The following LRP5 variants were observed in gnomAD, a reference collection of about 807,000 sequenced individuals.
LRP5 encodes LDL receptor related protein 5.
In LRP5, 62 loss-of-function variants were observed where a neutral mutation model predicts 154.1. That is an observed-to-expected ratio of 0.40 (90% confidence interval 0.33 to 0.50). The LOEUF is 0.50. LRP5 is among the 20% of genes least tolerant of loss of function. The pLI, the probability that LRP5 is intolerant of heterozygous loss-of-function variation, is 0.55. For synonymous variants in LRP5, 966 were observed against 1,011.5 expected, an observed-to-expected ratio of 0.96 and a Z score of 0.85; for missense variants, 1,915 against 2,336.7, an observed-to-expected ratio of 0.82 and a Z score of 3.72.
At chr11:68,335,337 G>A (rs1194139) in intron 1 of LRP5, among the ~76,000 whole-genome samples, 11 of 151,966 alleles carry the variant, frequency 7.2e-5, no homozygotes, top group Non-Finnish European at 1.2e-4. Context: ...GCCTCCCAAA[G>A]TGTTGGGATT....
chr11:68,318,059 ATT>A (rs575016540), intron 1 of LRP5, among the ~76,000 whole-genome samples: 1 of 144,914 alleles, frequency 6.9e-6, no homozygotes, highest in Non-Finnish European at 1.5e-5. Flanking sequence ...TTGAGATTTA[ATT>A]TTTTTTTTTT....
chr11:68,355,736 G>A (rs1220527864), intron 2 of LRP5, among the ~76,000 whole-genome samples: 2 of 152,176 alleles, frequency 1.3e-5, no homozygotes, highest in African/African-American at 4.8e-5. Context: ...CTCATGGATG[G>A]GTGATGCTTG....
At chr11:68,391,253 G>A (rs1482542086) in intron 7 of LRP5, among the ~76,000 whole-genome samples, 1 of 152,222 alleles carries the variant, frequency 6.6e-6, no homozygotes, top group Non-Finnish European at 1.5e-5. Context: ...ACAGGCGTGA[G>A]CCACCGCGCC....
intron 1 of LRP5, 36 bp downstream of exon 1, chr11:68,312,841 G>T (rs1591160447): frequency 9.9e-7 from 1 of 1,005,860 alleles, no homozygotes; most frequent in Non-Finnish European, 1.2e-6. Flanking sequence ...GCCGCGGGTT[G>T]CTCGGACAAT....
In LRP5 at chr11:68,433,760, G is replaced by A. The variant is rs764890075; in HGVS notation, c.3922G>A (p.Gly1308Ser). The change falls in exon 18 of 23, where the codon GGT becomes AGT. Residue 1308 changes from glycine (G) to serine (S), a missense_variant. Gly to Ser is a moderately conservative substitution (Grantham distance 56). Transcript: ENST00000294304. ...CGCCGCCCAGTTCCCCTGCGCGCGG[G>A]GTCAGTGTGTGGACCTGCGCCTGCG... ...CSAAQFPCAR[G>S]QCVDLRLRCD... The A allele has an allele frequency of 5.6e-6, 9 of 1,612,570 alleles. No homozygotes were observed. The East Asian group carries it at 1.6e-4, about 28-fold the overall frequency.
Position 68,362,544 on chromosome 11 carries a change from AGCTG to A in LRP5, c.687-1201_687-1198del, listed in dbSNP as rs1175092919. ...ACCAAAAAGATACCCCCCAAAAATT[AGCTG>A]GGTGTGGTGGTGCACGCCTGTGGTC... is the stretch of plus-strand genomic sequence containing the variant. On this transcript the variant is annotated intron_variant, in intron 3 of 22. Transcript: ENST00000294304. Among the ~76,000 whole-genome samples, 11 of 152,136 alleles carry A rather than the reference AGCTG, an allele frequency of 7.2e-5. No homozygotes were observed. In the East Asian group the frequency reaches 2.1e-3, roughly 29 times the overall value.
At position 68,425,159 on chromosome 11, in the gene LRP5, G is replaced by A; in HGVS notation, c.3294G>A (p.Leu1098=). 2 of 1,613,764 alleles carry A rather than the reference G, an allele frequency of 1.2e-6. No individual in the cohort carries two copies. The highest frequency in any genetic ancestry group is 1.7e-6 in the Non-Finnish European group (2 of 1,179,982). ...CAGCCAAGATCGAACGCGCAGCCCTGGACGGCACCGAGCGCGAGGTCCTCT... is the reference window on the plus strand; with the variant it reads ...CAGCCAAGATCGAACGCGCAGCCCTAGACGGCACCGAGCGCGAGGTCCTCT... ...DRAAKIERAA[L]DGTEREVLFT... The change falls in exon 15 of 23, where the codon CTG becomes CTA. Residue 1098 remains leucine, a synonymous_variant. Coordinates refer to ENST00000294304, the MANE Select transcript of LRP5 (RefSeq NM_002335.4).
In LRP5 at chr11:68,347,167, G is replaced by A. The variant is rs370272844; in HGVS notation, c.92-680G>A. ...GTCTGACCTTGTTCTGCATGGCACT[G>A]GCACAGGGAGCTGTGGAAGGTGTCT... On this transcript the variant is annotated intron_variant, in intron 1 of 22. Coordinates refer to ENST00000294304, the MANE Select transcript of LRP5 (RefSeq NM_002335.4). 6.6e-5 allele frequency among the ~76,000 whole-genome samples: 10 copies of A among 152,338 alleles called. No homozygotes were observed. In the South Asian group the frequency reaches 2.1e-3, roughly 32 times the overall value.
chr11:68,438,496 G>T lies in LRP5; in HGVS notation c.4162G>T (p.Gly1388Trp). 1 of 1,614,236 alleles carries T rather than the reference G, an allele frequency of 6.2e-7. No individual in the cohort carries two copies. The highest frequency in any genetic ancestry group is 8.5e-7 in the Non-Finnish European group (1 of 1,180,044). ...DDSPAHSSAI[G>W]PVIGIILSLF... is the part of the protein sequence containing the mutation. ...CAGCCCGGCCCACAGCAGTGCCATC[G>T]GGCCCGTCATTGGCATCATCCTCTC... is the stretch of plus-strand genomic sequence containing the variant. The change falls in exon 20 of 23, where the codon GGG (glycine) becomes TGG (tryptophan). Residue 1388 changes from glycine (G) to tryptophan (W), a missense_variant. Physicochemically the swap from Gly to Trp is radical, Grantham distance 184. Coordinates refer to ENST00000294304, the MANE Select transcript of LRP5 (RefSeq NM_002335.4).
At chr11:68,351,199 C>T (rs1217528766) in intron 2 of LRP5, among the ~76,000 whole-genome samples, 1 of 152,072 alleles carries the variant, frequency 6.6e-6, no homozygotes, top group East Asian at 1.9e-4. Flanking sequence ...CTGAGAAGTG[C>T]CCCCGGCCTC....
rs576251206 is a variant in LRP5 at position 68,369,287 on chromosome 11, T to C, written c.1015+3585T>C. ...GAGAGCTGGCTTGGGGCCTGGCCAC[T>C]GGAGTTAGAGGGAGCAGGGCCTGGT... is the stretch of plus-strand genomic sequence containing the variant. On this transcript the variant is annotated intron_variant, in intron 5 of 22. Transcript: ENST00000294304. Among the ~76,000 whole-genome samples the C allele has an allele frequency of 2.6e-5, 4 of 152,224 alleles. No individual in the cohort carries two copies. In the South Asian group the frequency reaches 8.3e-4, roughly 32 times the overall value.
In LRP5 at chr11:68,423,393, ACCAGTGCCCGGGGGTCTCCG is replaced by A; in HGVS notation, c.3028-87_3028-68del. The A allele has an allele frequency of 5.1e-6, 6 of 1,167,928 alleles. No homozygotes were observed. Among genetic ancestry groups the A allele is most frequent in the Non-Finnish European group, 6.4e-6 (5 of 776,672 alleles). 72.3% of individuals were successfully genotyped at this position (1,167,928 alleles called of 1,614,324 possible). On this transcript the variant is annotated intron_variant, in intron 13 of 22. Coordinates refer to ENST00000294304, the MANE Select transcript of LRP5 (RefSeq NM_002335.4). This position sits in a 1 kb window ranked among gnomAD's most constrained non-coding sequence, Gnocchi z 4.7. The stretch of plus-strand genomic sequence containing the variant: ...CTCCAGCCAGTGCCCGGGGGTCTCC[ACCAGTGCCCGGGGGTCTCCG>A]CCAGTGCCAGGGGTCTCCGCCAGTG...
rs1239138058 is a variant in LRP5 at position 68,438,470 on chromosome 11, A to G, written c.4136A>G (p.Asp1379Gly). 1 of 1,614,188 alleles carries G rather than the reference A, an allele frequency of 6.2e-7. No individual in the cohort carries two copies. Residue 1379 changes from aspartate (D) to glycine (G), a missense_variant, in exon 20 of 23, where the codon GAC becomes GGC. Physicochemically the swap from Asp to Gly is moderately conservative, Grantham distance 94. This residue lies in a region of LRP5 where 1,094 missense variants were observed against 1,210.1 expected (regional missense o/e 0.90). Coordinates refer to ENST00000294304, the MANE Select transcript of LRP5 (RefSeq NM_002335.4). The part of the protein sequence containing the change: ...MCEITKPPSD[D>G]SPAHSSAIGP... The stretch of plus-strand genomic sequence containing the variant: ...GAAATCACCAAGCCGCCCTCAGACG[A>G]CAGCCCGGCCCACAGCAGTGCCATC...
At chr11:68,335,625 C>T (rs1277497316) in intron 1 of LRP5, among the ~76,000 whole-genome samples, 1 of 152,146 alleles carries the variant, frequency 6.6e-6, no homozygotes, top group Non-Finnish European at 1.5e-5. Context: ...TGGCCAACTA[C>T]GCTATAACTC....
upstream of LRP5, among the ~76,000 whole-genome samples, chr11:68,310,408 C>T (rs1007263355): frequency 6.6e-6 from 1 of 152,114 alleles, no homozygotes. Flanking sequence ...TCATCTGAGG[C>T]CAGGAGTTCA....
At chr11:68,399,368 C>A (rs1179395612) in intron 7 of LRP5, among the ~76,000 whole-genome samples, 1 of 151,796 alleles carries the variant, frequency 6.6e-6, no homozygotes, top group Non-Finnish European at 1.5e-5. Flanking sequence ...CCAGACCCTG[C>A]CTCTTTAAAA....
At chr11:68,333,971 C>G (rs532226567) in intron 1 of LRP5, among the ~76,000 whole-genome samples, 2 of 152,178 alleles carry the variant, frequency 1.3e-5, no homozygotes, top group Non-Finnish European at 2.9e-5. Flanking sequence ...GGCGCGGTGG[C>G]TCACACCTGT....
At chr11:68,418,957 C>T (rs1162747374) in intron 13 of LRP5, among the ~76,000 whole-genome samples, 1 of 152,126 alleles carries the variant, frequency 6.6e-6, no homozygotes, top group Non-Finnish European at 1.5e-5. Context: ...GTCTGCTAGG[C>T]AGAAGTGATG....
At chr11:68,394,686 G>C (rs2098648254) in intron 7 of LRP5, among the ~76,000 whole-genome samples, 1 of 151,454 alleles carries the variant, frequency 6.6e-6, no homozygotes, top group African/African-American at 2.4e-5. Flanking sequence ...GGATGGTCTC[G>C]ATCTCCTGAC....
Sources: allele counts gnomAD v4.1 joint callset (sites outside exome capture counted in the v4.1 genomes callset), GRCh38; gene constraint gnomAD v4.1.1; regional missense constraint gnomAD v4.1.1; non-coding constraint Gnocchi (gnomAD v3.1); transcripts MANE v1.5; gene names NCBI Gene and HGNC (gene_info 2026-07-23, HGNC 2026-07-21).